GRIN2A: variants seen among roughly 807,000 people sequenced by gnomAD.
GRIN2A encodes the protein glutamate ionotropic receptor NMDA type subunit 2A, also known as glutamate receptor ionotropic, NMDA 2A.
A neutral mutation model predicts 113.4 loss-of-function variants in GRIN2A; 22 were observed. The observed-to-expected ratio is 0.19, with a 90% CI of 0.14 to 0.28. The LOEUF (loss-of-function observed/expected upper bound fraction) is 0.28. GRIN2A is among the 10% of genes least tolerant of loss of function. The pLI, the probability that GRIN2A is intolerant of heterozygous loss-of-function variation, is 1.00. For missense variants in GRIN2A, 1,502 were observed against 1,887.0 expected (o/e 0.80, Z 3.78); for synonymous variants, 827 against 738.4 (o/e 1.12, Z -1.94).
intron 2 of GRIN2A, among the ~76,000 whole-genome samples, chr16:10,158,379 G>A (rs562631247): frequency 2.6e-5 from 4 of 152,154 alleles, no homozygotes; most frequent in Non-Finnish European, 5.9e-5. Flanking sequence ...AATAAGTCAA[G>A]CATAGTATTA....
chr16:9,906,421 G>C lies in GRIN2A; in HGVS notation c.1008-15321C>G, dbSNP rs563160798. On this transcript the variant is annotated intron_variant, in intron 3 of 12. Transcript: ENST00000330684. ...AAATGCAGTCATAGCTGTTGTTTCT[G>C]GTTACTTTCATTTCCTGATAATAGA... Among the ~76,000 whole-genome samples the C allele has an allele frequency of 1.5e-3, 225 of 152,206 alleles. 7 individuals are homozygous for C. In the South Asian group the frequency reaches 0.044, roughly 30 times the overall value.
Position 9,753,685 on chromosome 16 carries a change from T to C in GRIN2A, c.*9464A>G, listed in dbSNP as rs183305249. 1.5e-5 allele frequency: 3 copies of C among 194,350 alleles called. No individual in the cohort carries two copies. In the Admixed American group the frequency reaches 1.8e-4, roughly 12 times the overall value. The allele number at this position is 194,350 out of a possible 1,614,324, so 12.0% of individuals were successfully genotyped here. ...AATTTTGTAGCTATGCTTGGAAATA[T>C]TTAATACACTTATTAGCACTTCCTC... On this transcript the variant is annotated 3_prime_UTR_variant, in exon 13 of 13. Transcript: ENST00000330684.
At chr16:9,959,972 C>CA (rs942583799) in intron 2 of GRIN2A, among the ~76,000 whole-genome samples, 1 of 151,972 alleles carries the variant, frequency 6.6e-6, no homozygotes, top group Non-Finnish European at 1.5e-5. Context: ...GATTTCATCT[C>CA]AAAAAAACAA....
At chr16:9,888,525 A>C (rs1226498234) in intron 4 of GRIN2A, among the ~76,000 whole-genome samples, 1 of 152,046 alleles carries the variant, frequency 6.6e-6, no homozygotes, top group Non-Finnish European at 1.5e-5. Context: ...ATTTATTAAA[A>C]AGATTTTCCT....
At chr16:9,891,498 A>T (rs1393394499) in intron 3 of GRIN2A, among the ~76,000 whole-genome samples, 1 of 152,252 alleles carries the variant, frequency 6.6e-6, no homozygotes, top group African/African-American at 2.4e-5. Context: ...CAACTAATAT[A>T]TATGAAGCAT....
chr16:10,149,464 T>C (rs2049521098), intron 2 of GRIN2A, among the ~76,000 whole-genome samples: 1 of 152,264 alleles, frequency 6.6e-6, no homozygotes. Context: ...GTACTAATTT[T>C]GCAACTTTTC....
At chr16:10,150,775 C>T (rs2049552125) in intron 2 of GRIN2A, among the ~76,000 whole-genome samples, 1 of 152,186 alleles carries the variant, frequency 6.6e-6, no homozygotes, top group African/African-American at 2.4e-5. Context: ...CTTACCTCTC[C>T]CTGCTTTATT....
At chr16:10,008,802 C>A (rs142482011) in intron 2 of GRIN2A, among the ~76,000 whole-genome samples, 1 of 152,164 alleles carries the variant, frequency 6.6e-6, no homozygotes, top group Non-Finnish European at 1.5e-5. Flanking sequence ...GAAAACAAAA[C>A]TGATTTACAG....
chr16:10,035,174 C>T (rs1445801711), intron 2 of GRIN2A, among the ~76,000 whole-genome samples: 6 of 152,092 alleles, frequency 3.9e-5, no homozygotes, highest in African/African-American at 1.4e-4. Context: ...TACAGGCACA[C>T]GTCACCACAC....
intron 8 of GRIN2A, among the ~76,000 whole-genome samples, chr16:9,831,515 TTTTTC>T (rs2042495194): frequency 7.8e-6 from 1 of 128,172 alleles, no homozygotes; most frequent in Non-Finnish European, 1.7e-5. Flanking sequence ...TTTTCTTTTC[TTTTTC>T]TTTTTTTTTT....
chr16:10,111,951 A>C, intron 2 of GRIN2A: 1 of 732,182 alleles, frequency 1.4e-6, no homozygotes, highest in South Asian at 1.4e-5. Flanking sequence ...TGGCTCCAGC[A>C]GGCATGACAT....
At chr16:9,891,409 C>T (rs1277698546) in intron 3 of GRIN2A, among the ~76,000 whole-genome samples, 5 of 152,198 alleles carry the variant, frequency 3.3e-5, no homozygotes, top group African/African-American at 1.2e-4. Context: ...TAACAAACTT[C>T]CCTGAAGGAA....
rs184142765 is a variant in GRIN2A at position 9,755,894 on chromosome 16, C to T, written c.*7255G>A. Reference sequence around the variant, plus strand: ...AACAGACCAAGAAGGAAAACAACAACAACATTTTAATAGCTGGTCCTCAAT... The same window carrying T: ...AACAGACCAAGAAGGAAAACAACAATAACATTTTAATAGCTGGTCCTCAAT... On this transcript the variant is annotated 3_prime_UTR_variant, in exon 13 of 13. Coordinates refer to ENST00000330684, the MANE Select transcript of GRIN2A (RefSeq NM_001134407.3). 1.5e-4 allele frequency: 31 copies of T among 209,142 alleles called. No individual in the cohort carries two copies. The highest frequency in any genetic ancestry group is 6.6e-4 in the African/African-American group (29 of 43,988). The allele number at this position is 209,142 out of a possible 1,614,324, so 13.0% of individuals were successfully genotyped here.
At chr16:9,908,219 A>C (rs1194313909) in intron 3 of GRIN2A, among the ~76,000 whole-genome samples, 1 of 152,096 alleles carries the variant, frequency 6.6e-6, no homozygotes, top group African/African-American at 2.4e-5. Context: ...GTCCCCTAAA[A>C]GACTAAGCTC....
intron 2 of GRIN2A, among the ~76,000 whole-genome samples, chr16:10,045,996 ACCTACCTGTG>A (rs1181402334): frequency 6.6e-6 from 1 of 152,118 alleles, no homozygotes; most frequent in Non-Finnish European, 1.5e-5. Flanking sequence ...CCCGACAAAC[ACCTACCTGTG>A]AACACCAAAA....
intron 2 of GRIN2A, among the ~76,000 whole-genome samples, chr16:9,976,123 AT>A: frequency 6.6e-6 from 1 of 152,350 alleles, no homozygotes; most frequent in African/African-American, 2.4e-5. Flanking sequence ...TTAAAATGTA[AT>A]TAAGCTATTC....
intron 2 of GRIN2A, among the ~76,000 whole-genome samples, chr16:10,032,753 A>C (rs923718353): frequency 2.9e-4 from 44 of 152,180 alleles, no homozygotes; most frequent in Admixed American, 2.8e-3. Flanking sequence ...TGGAACACAC[A>C]CCAAACAACA....
chr16:10,078,804 A>G (rs930310778), intron 2 of GRIN2A, among the ~76,000 whole-genome samples: 8 of 152,174 alleles, frequency 5.3e-5, no homozygotes, highest in Non-Finnish European at 1.0e-4. Context: ...AAGCCCATCC[A>G]TGGGGCACAG....
chr16:10,020,850 T>C (rs543884365), intron 2 of GRIN2A, among the ~76,000 whole-genome samples: 1 of 152,328 alleles, frequency 6.6e-6, no homozygotes, highest in African/African-American at 2.4e-5. Flanking sequence ...GCAGGGGTCC[T>C]ACCTGTACCA....
Sources: allele counts gnomAD v4.1 joint callset (sites outside exome capture counted in the v4.1 genomes callset), GRCh38; gene constraint gnomAD v4.1.1; transcripts MANE v1.5; gene names NCBI Gene and HGNC (gene_info 2026-07-23, HGNC 2026-07-21).